The following TRMT10B variants were observed in gnomAD, a reference collection of about 807,000 sequenced individuals.
The protein encoded by TRMT10B is tRNA methyltransferase 10 homolog B.
In TRMT10B, 33 loss-of-function variants were observed where a neutral mutation model predicts 43.8. The ratio of observed to expected loss-of-function variants is 0.75; its 90% confidence interval spans 0.57 to 1.01. TRMT10B has a LOEUF of 1.01. Ranked by LOEUF, TRMT10B falls within the 50% of genes least tolerant of loss-of-function variation. TRMT10B has a pLI of 0.00. For synonymous variants in TRMT10B, 137 were observed against 130.6 expected (o/e 1.05, Z -0.34); for missense variants, 362 against 369.8 (o/e 0.98, Z 0.17).
Position 37,768,387 on chromosome 9 carries a change from ATCC to A in TRMT10B, c.573+164_573+166del, listed in dbSNP as rs143864217. Among the ~76,000 whole-genome samples, 1,165 of 152,204 alleles carry A rather than the reference ATCC, an allele frequency of 7.7e-3. 13 individuals carry two copies. The highest frequency in any genetic ancestry group is 0.026 in the African/African-American group (1,071 of 41,516). Reference sequence around the variant, plus strand: ...GTTCTTAAATTTAAAATTTTTTCTCATCCTCCTACTGCATTGGCAAAGTACTGT... The same window carrying A: ...GTTCTTAAATTTAAAATTTTTTCTCATCCTACTGCATTGGCAAAGTACTGT... On this transcript the variant is annotated intron_variant, in intron 5 of 8. Coordinates refer to ENST00000297994, the MANE Select transcript of TRMT10B (RefSeq NM_144964.4).
intron 1 of TRMT10B, among the ~76,000 whole-genome samples, chr9:37,754,406 C>T (rs917470696): frequency 6.6e-6 from 1 of 152,122 alleles, no homozygotes; most frequent in Non-Finnish European, 1.5e-5. Context: ...AGCAAATAGA[C>T]CCCGGAGTGC....
At chr9:37,753,328 T>C (rs1015271016), upstream of TRMT10B, among the ~76,000 whole-genome samples, 4 of 152,180 alleles carry the variant, frequency 2.6e-5, no homozygotes, top group African/African-American at 7.2e-5. Context: ...ACAAAGATTC[T>C]GTTGTGTCAG....
chr9:37,775,618 A>G (rs372901427), intron 7 of TRMT10B, among the ~76,000 whole-genome samples: 2 of 152,082 alleles, frequency 1.3e-5, no homozygotes, highest in Admixed American at 6.5e-5. Flanking sequence ...CAGCCTTGAT[A>G]TATGTCCCAG....
intron 7 of TRMT10B, among the ~76,000 whole-genome samples, chr9:37,774,488 GAAC>G (rs1827925190): frequency 2.0e-5 from 3 of 152,288 alleles, no homozygotes; most frequent in South Asian, 4.1e-4. Flanking sequence ...AATAAGCTAA[GAAC>G]AACATTTCTT....
chr9:37,763,571 C>CT (rs2118792827), intron 3 of TRMT10B, 58 bp from the exon 4 acceptor site: 1 of 1,500,040 alleles, frequency 6.7e-7, no homozygotes, highest in East Asian at 2.3e-5. Flanking sequence ...AGATTTGTTT[C>CT]TTATATAATA....
chr9:37,763,797 A>G, intron 4 of TRMT10B, 44 bp downstream of exon 4: 1 of 1,612,398 alleles, frequency 6.2e-7, no homozygotes, highest in Non-Finnish European at 8.5e-7. Context: ...GCCATGAGGG[A>G]GGCCCAGAAG....
chr9:37,758,442 A>C (rs1825947468), intron 1 of TRMT10B, among the ~76,000 whole-genome samples: 1 of 152,214 alleles, frequency 6.6e-6, no homozygotes, highest in Non-Finnish European at 1.5e-5. Context: ...TTTGGTTTAC[A>C]AATTTTAGAA....
At chr9:37,764,315 ATTTTTTTT>A (rs753115932) in intron 4 of TRMT10B, among the ~76,000 whole-genome samples, 2 of 110,582 alleles carry the variant, frequency 1.8e-5, no homozygotes, top group Admixed American at 1.0e-4. Context: ...CGCCTGACAA[ATTTTTTTT>A]TTTTTTTTTT....
At chr9:37,776,507 T>C in intron 8 of TRMT10B, 102 bp downstream of exon 8, 1 of 1,388,062 alleles carries the variant, frequency 7.2e-7, no homozygotes, top group Non-Finnish European at 9.5e-7. Flanking sequence ...GTGACTAATG[T>C]GTGTGGACTT....
chr9:37,776,731 C>G (rs1828192616), intron 8 of TRMT10B, among the ~76,000 whole-genome samples: 1 of 151,934 alleles, frequency 6.6e-6, no homozygotes, highest in Non-Finnish European at 1.5e-5. Context: ...GAAACCCCAT[C>G]TCTACTAAAA....
At chr9:37,753,779 G>C (rs1374118608), upstream of TRMT10B, 1 of 152,292 alleles carries the variant, frequency 6.6e-6, no homozygotes, top group African/African-American at 2.4e-5. Context: ...GCGGAGTTAC[G>C]AAGCGGAAGC....
intron 1 of TRMT10B, among the ~76,000 whole-genome samples, chr9:37,754,508 G>A (rs1825393189): frequency 6.6e-6 from 1 of 152,166 alleles, no homozygotes; most frequent in Admixed American, 6.5e-5. Context: ...GAGTACTGCA[G>A]GGTTCTAAGC....
intron 8 of TRMT10B, 133 bp downstream of exon 8, chr9:37,776,538 A>G (rs954061989): frequency 1.7e-6 from 2 of 1,149,280 alleles, no homozygotes; most frequent in Non-Finnish European, 1.2e-6. Context: ...ACGTCATGAC[A>G]TATATTCTGG....
At chr9:37,768,344 A>G in intron 5 of TRMT10B, 116 bp downstream of exon 5, 1 of 1,180,166 alleles carries the variant, frequency 8.5e-7, no homozygotes, top group Non-Finnish European at 1.2e-6. Context: ...GTCTAAAAAA[A>G]TTCAGAACCT....
At chr9:37,755,765 G>GGT (rs1365878965) in intron 1 of TRMT10B, among the ~76,000 whole-genome samples, 2 of 152,184 alleles carry the variant, frequency 1.3e-5, no homozygotes, top group Non-Finnish European at 2.9e-5. Flanking sequence ...AGAAACATGA[G>GGT]GTAAAAGGAG....
At chr9:37,774,358 TAC>T (rs1827909372) in intron 7 of TRMT10B, among the ~76,000 whole-genome samples, 1 of 152,210 alleles carries the variant, frequency 6.6e-6, no homozygotes, top group Non-Finnish European at 1.5e-5. Flanking sequence ...GTGCATGACT[TAC>T]AGATGTGCAG....
At chr9:37,774,896 G>A (rs10973537) in intron 7 of TRMT10B, among the ~76,000 whole-genome samples, 29,290 of 152,118 alleles carry the variant, frequency 0.19, 2,884 homozygotes, top group South Asian at 0.25. Context: ...TGTCCTGAAT[G>A]ATGAAGGGAC....
At position 37,754,375 on chromosome 9, in the gene TRMT10B, T is replaced by TTC. The variant is rs1235037782; in HGVS notation, c.-30+523_-30+524insTC. Among the ~76,000 whole-genome samples, 3 of 152,076 alleles carry TTC rather than the reference T, an allele frequency of 2.0e-5. No individual in the cohort carries two copies. The East Asian group carries it at 5.8e-4, about 29-fold the overall frequency. On this transcript the variant is annotated intron_variant, in intron 1 of 8. Transcript: ENST00000297994. ...AAGAGAACGGCGAATGTAAAGGCCT[T>TTC]GAAGGGTATGTTTGAGGAACAGCAA...
intron 1 of TRMT10B, among the ~76,000 whole-genome samples, chr9:37,756,751 C>A (rs1442366991): frequency 6.6e-6 from 1 of 151,186 alleles, no homozygotes; most frequent in Non-Finnish European, 1.5e-5. Flanking sequence ...TACACACACA[C>A]ACATATATAT....
Sources: allele counts gnomAD v4.1 joint callset (sites outside exome capture counted in the v4.1 genomes callset), GRCh38; gene constraint gnomAD v4.1.1; transcripts MANE v1.5; gene names NCBI Gene and HGNC (gene_info 2026-07-23, HGNC 2026-07-21).